The following TMEM178A variants were observed in gnomAD, a reference collection of about 807,000 sequenced individuals.
The protein encoded by TMEM178A is transmembrane protein 178.
In TMEM178A, 12 loss-of-function variants were observed where a neutral mutation model predicts 29.1. The observed-to-expected ratio is 0.41, with a 90% CI of 0.26 to 0.67. TMEM178A has a LOEUF of 0.67. Ranked by LOEUF, TMEM178A falls within the 30% of genes least tolerant of loss-of-function variation. The probability of loss-of-function intolerance (pLI) is 0.29; values close to 1 mark genes in which losing one functional copy is unlikely to be tolerated. For synonymous variants in TMEM178A, 210 were observed against 187.2 expected (o/e 1.12, Z -0.99); for missense variants, 366 against 419.1 (o/e 0.87, Z 1.11).
At chr2:39,689,366 G>A (rs1022106401) in intron 1 of TMEM178A, among the ~76,000 whole-genome samples, 4 of 152,142 alleles carry the variant, frequency 2.6e-5, no homozygotes, top group African/African-American at 9.7e-5. Context: ...CAGAGATCTA[G>A]TTTAGTTTCA....
chr2:39,698,121 A>G (rs899649086), intron 1 of TMEM178A: 13 of 152,242 alleles, frequency 8.5e-5, no homozygotes, highest in Admixed American at 2.6e-4. Context: ...AATTGACAGT[A>G]CATGTAGCAA....
rs1441249681 is a variant in TMEM178A at position 39,707,131 on chromosome 2, C to T, written c.597C>T (p.Phe199=). 1.2e-6 allele frequency: 2 copies of T among 1,614,226 alleles called. No homozygotes were observed. Among genetic ancestry groups the T allele is most frequent in the Admixed American group, 1.7e-5 (1 of 60,032 alleles). Residue 199 remains phenylalanine (F), a synonymous_variant, in exon 3 of 4, where the codon TTC becomes TTT. Transcript: ENST00000281961. ...LCGCIVATVS[F]FWEESLTQHV... is the part of the protein sequence containing the mutation. ...GCTGCATTGTGGCCACAGTCAGTTT[C>T]TTCTGGGAGGAGAGCTTGACCCAGC...
intron 1 of TMEM178A, among the ~76,000 whole-genome samples, chr2:39,689,446 A>G (rs1465494240): frequency 1.3e-5 from 2 of 152,228 alleles, no homozygotes; most frequent in Non-Finnish European, 2.9e-5. Flanking sequence ...TCTAAAAGCC[A>G]TGTGCTAAAT....
chr2:39,715,730 T>C (rs374703156), intron 3 of TMEM178A, among the ~76,000 whole-genome samples: 1 of 152,232 alleles, frequency 6.6e-6, no homozygotes, highest in African/African-American at 2.4e-5. Flanking sequence ...GGAAGCGGAT[T>C]CAGGCAACGT....
intron 3 of TMEM178A, among the ~76,000 whole-genome samples, chr2:39,711,021 T>C (rs2148113767): frequency 6.6e-6 from 1 of 152,338 alleles, no homozygotes. Context: ...CCCCTCTTCC[T>C]CTTCCCTAGG....
At chr2:39,675,367 T>A (rs1670574136) in intron 1 of TMEM178A, among the ~76,000 whole-genome samples, 1 of 151,830 alleles carries the variant, frequency 6.6e-6, no homozygotes, top group African/African-American at 2.4e-5. Context: ...TCCCAACACA[T>A]CTGATTTGGG....
Position 39,717,170 on chromosome 2 carries a change from T to C in TMEM178A, c.813T>C (p.Ala271=). 1 of 1,613,402 alleles carries C rather than the reference T, an allele frequency of 6.2e-7. No individual in the cohort carries two copies. Among genetic ancestry groups the C allele is most frequent in the Non-Finnish European group, 8.5e-7 (1 of 1,179,942 alleles). Residue 271 remains alanine (A), a synonymous_variant, in exon 4 of 4, where the codon GCT becomes GCC. Transcript: ENST00000281961. The part of the protein sequence containing the change: ...AWCSLGFIVA[A]GGLCIAYPFI... ...GCAGTTTAGGCTTTATTGTGGCAGC[T>C]GGAGGTCTCTGCATCGCTTATCCGT...
At chr2:39,730,721 G>C in the TMEM178A span, among the ~76,000 whole-genome samples, 1 of 152,312 alleles carries the variant, frequency 6.6e-6, no homozygotes, top group South Asian at 2.1e-4. Context: ...AGACAGCACT[G>C]AAGGTTTCCA....
In TMEM178A at chr2:39,717,229, C is replaced by CTGGCAGAGACTCCACGGTA. The variant is rs1176469433; in HGVS notation, c.875_893dup (p.Ter298TrpfsTer21). 6.2e-7 allele frequency: 1 copy of CTGGCAGAGACTCCACGGTA among 1,613,604 alleles called. No homozygotes were observed. Among genetic ancestry groups the CTGGCAGAGACTCCACGGTA allele is most frequent in the South Asian group, 1.1e-5 (1 of 91,026 alleles). On this transcript the variant is annotated frameshift_variant, in exon 4 of 4. Transcript: ENST00000281961. LOFTEE classifies it high-confidence loss of function. ...CGGACCAAGATTGCACAGCTAAAGT[C>CTGGCAGAGACTCCACGGTA]TGGCAGAGACTCCACGGTATGACTG...
intron 3 of TMEM178A, among the ~76,000 whole-genome samples, chr2:39,713,126 A>G (rs1184468628): frequency 2.0e-5 from 3 of 152,198 alleles, no homozygotes; most frequent in African/African-American, 7.2e-5. Flanking sequence ...AGGAGAGTAG[A>G]GTGGAGAGAA....
intron 1 of TMEM178A, among the ~76,000 whole-genome samples, chr2:39,684,341 G>A (rs1284565008): frequency 6.6e-6 from 1 of 151,932 alleles, no homozygotes; most frequent in African/African-American, 2.4e-5. Context: ...GCAGAAAACT[G>A]TAAAGAAGGA....
At chr2:39,692,272 A>G (rs1671347544) in intron 1 of TMEM178A, among the ~76,000 whole-genome samples, 1 of 152,156 alleles carries the variant, frequency 6.6e-6, no homozygotes, top group Non-Finnish European at 1.5e-5. Flanking sequence ...ATAGATAACA[A>G]TATTGTATTA....
the TMEM178A span, among the ~76,000 whole-genome samples, chr2:39,726,140 A>T: frequency 6.6e-6 from 1 of 152,220 alleles, no homozygotes; most frequent in African/African-American, 2.4e-5. Context: ...TCTGTCTCAG[A>T]GAGACAGACA....
Position 39,707,088 on chromosome 2 carries a change from T to C in TMEM178A, c.554T>C (p.Val185Ala). Residue 185 changes from valine (V) to alanine (A), a missense_variant, in exon 3 of 4, where the codon GTA becomes GCA. By Grantham distance (64) the Val-to-Ala change is moderately conservative. This residue lies in a region of TMEM178A where 119 missense variants were observed against 172.2 expected (regional missense o/e 0.69). Coordinates refer to ENST00000281961, the MANE Select transcript of TMEM178A (RefSeq NM_152390.3). ...RITAGFLGMAVAVLLCGCIVA... is the reference protein window; with the variant it reads ...RITAGFLGMAAAVLLCGCIVA... ...ACTGCTGGCTTCCTCGGCATGGCCG[T>C]AGCCGTCCTTCTCTGCGGCTGCATT... is the stretch of plus-strand genomic sequence containing the variant. The C allele has an allele frequency of 6.2e-7, 1 of 1,614,136 alleles. No homozygotes were observed. Among genetic ancestry groups the C allele is most frequent in the Non-Finnish European group, 8.5e-7 (1 of 1,179,998 alleles).
chr2:39,685,497 G>A (rs1671039493), intron 1 of TMEM178A, among the ~76,000 whole-genome samples: 1 of 152,162 alleles, frequency 6.6e-6, no homozygotes. Flanking sequence ...AGCTCTGTGA[G>A]GGTAGGGCTT....
downstream of TMEM178A, among the ~76,000 whole-genome samples, chr2:39,722,530 C>T (rs1468947469): frequency 6.6e-6 from 1 of 152,112 alleles, no homozygotes; most frequent in Non-Finnish European, 1.5e-5. Flanking sequence ...CATCTAAGAC[C>T]TGAAGATAGT....
intron 1 of TMEM178A, among the ~76,000 whole-genome samples, chr2:39,696,840 A>G (rs570305961): frequency 6.6e-6 from 1 of 152,342 alleles, no homozygotes; most frequent in South Asian, 2.1e-4. Context: ...TATGGTTTAT[A>G]TCATCATTAA....
At chr2:39,709,617 C>T (rs1279469440) in intron 3 of TMEM178A, among the ~76,000 whole-genome samples, 2 of 152,154 alleles carry the variant, frequency 1.3e-5, no homozygotes, top group African/African-American at 4.8e-5. Flanking sequence ...TTCCTTTACA[C>T]CTCTGCTGGG....
At chr2:39,686,247 C>T (rs1326500604) in intron 1 of TMEM178A, among the ~76,000 whole-genome samples, 3 of 152,188 alleles carry the variant, frequency 2.0e-5, no homozygotes, top group Non-Finnish European at 4.4e-5. Flanking sequence ...TTTAGTTACC[C>T]TTGAGGAGTG....
Sources: allele counts gnomAD v4.1 joint callset (sites outside exome capture counted in the v4.1 genomes callset), GRCh38; gene constraint gnomAD v4.1.1; regional missense constraint gnomAD v4.1.1; transcripts MANE v1.5; gene names NCBI Gene and HGNC (gene_info 2026-07-23, HGNC 2026-07-21).